The following CNTLN variants were observed in gnomAD, a reference collection of about 807,000 sequenced individuals.
CNTLN encodes centlein.
Under a neutral mutation model 180.0 loss-of-function variants are expected in CNTLN, and 212 were observed. The observed-to-expected ratio is 1.18, with a 90% CI of 1.05 to 1.32. The LOEUF (loss-of-function observed/expected upper bound fraction) is 1.32. CNTLN is among the 40% of genes most tolerant of loss of function. The pLI, the probability that CNTLN is intolerant of heterozygous loss-of-function variation, is 0.00. For missense variants in CNTLN, 2,095 were observed against 1,610.9 expected (o/e 1.30, Z -5.14); for synonymous variants, 722 against 563.1 (o/e 1.28, Z -3.99).
At chr9:17,221,746 C>T (rs1439232349) in intron 2 of CNTLN, among the ~76,000 whole-genome samples, 1 of 151,964 alleles carries the variant, frequency 6.6e-6, no homozygotes, top group Admixed American at 6.6e-5. Flanking sequence ...ATCTCAGTAT[C>T]CTAGAATGTT....
intron 6 of CNTLN, among the ~76,000 whole-genome samples, chr9:17,276,693 C>G (rs1366604859): frequency 6.6e-6 from 1 of 152,000 alleles, no homozygotes; most frequent in Admixed American, 6.6e-5. Context: ...CTAAAATCTA[C>G]AGATGCTCAA....
intron 5 of CNTLN, among the ~76,000 whole-genome samples, chr9:17,244,760 C>G (rs1383548559): frequency 4.6e-5 from 7 of 151,980 alleles, no homozygotes; most frequent in Non-Finnish European, 1.0e-4. Context: ...GTGATTTTCT[C>G]TGGTGGTATG....
chr9:17,294,775 G>C (rs1163768911), intron 6 of CNTLN, among the ~76,000 whole-genome samples: 1 of 50,200 alleles, frequency 2.0e-5, no homozygotes, highest in Non-Finnish European at 4.1e-5. Flanking sequence ...ACCGCGGGGG[G>C]AGTGAGGGGA....
intron 18 of CNTLN, among the ~76,000 whole-genome samples, chr9:17,423,358 C>G (rs1828861841): frequency 6.6e-6 from 1 of 152,138 alleles, no homozygotes; most frequent in African/African-American, 2.4e-5. Flanking sequence ...CGTACAGGAG[C>G]TAGGGCCTGG....
chr9:17,155,218 G>A (rs537486937), intron 2 of CNTLN, among the ~76,000 whole-genome samples: 1 of 152,312 alleles, frequency 6.6e-6, no homozygotes, highest in South Asian at 2.1e-4. Flanking sequence ...GCGAGGGTCC[G>A]CAGCTTCATT....
intron 5 of CNTLN, among the ~76,000 whole-genome samples, chr9:17,263,163 G>C (rs1236988326): frequency 6.7e-6 from 1 of 149,140 alleles, no homozygotes; most frequent in Non-Finnish European, 1.5e-5. Flanking sequence ...TTTAGCATTA[G>C]GTATATCTCC....
At chr9:17,487,943 C>T (rs2499055) in intron 25 of CNTLN, among the ~76,000 whole-genome samples, 145,838 of 152,180 alleles carry the variant, frequency 0.96, 70,207 homozygotes, top group East Asian at 1. Context: ...ATAGTTCTTT[C>T]GGCTTAACCT....
chr9:17,297,323 A>G (rs1030367231), intron 6 of CNTLN, among the ~76,000 whole-genome samples: 1 of 152,230 alleles, frequency 6.6e-6, no homozygotes, highest in African/African-American at 2.4e-5. Flanking sequence ...GTAAATTTTC[A>G]TATTCAAAGT....
intron 12 of CNTLN, among the ~76,000 whole-genome samples, chr9:17,360,084 T>C (rs942070427): frequency 1.3e-5 from 2 of 152,180 alleles, no homozygotes; most frequent in Non-Finnish European, 2.9e-5. Flanking sequence ...AATATAGATA[T>C]CCATCTAAGG....
intron 8 of CNTLN, among the ~76,000 whole-genome samples, chr9:17,319,261 C>T (rs1190306794): frequency 6.6e-6 from 1 of 152,176 alleles, no homozygotes; most frequent in Non-Finnish European, 1.5e-5. Context: ...TAATCTACAT[C>T]CAAGCATCCT....
At chr9:17,346,762 TG>T (rs1411665610) in intron 12 of CNTLN, among the ~76,000 whole-genome samples, 1 of 152,228 alleles carries the variant, frequency 6.6e-6, no homozygotes, top group Non-Finnish European at 1.5e-5. Flanking sequence ...TTGTGACTTT[TG>T]TCAAATTTGG....
intron 18 of CNTLN, among the ~76,000 whole-genome samples, chr9:17,423,210 A>T (rs889168127): frequency 3.3e-5 from 5 of 152,168 alleles, no homozygotes; most frequent in African/African-American, 1.2e-4. Context: ...GGCCTTTGGC[A>T]ACTAGTGCCT....
At chr9:17,468,859 G>C (rs549360335) in intron 23 of CNTLN, among the ~76,000 whole-genome samples, 2 of 151,758 alleles carry the variant, frequency 1.3e-5, no homozygotes, top group African/African-American at 4.8e-5. Context: ...GGTAATGTTA[G>C]TCCTTCATAT....
chr9:17,497,861 C>T (rs1373325242), intron 25 of CNTLN, among the ~76,000 whole-genome samples: 1 of 152,076 alleles, frequency 6.6e-6, no homozygotes, highest in Non-Finnish European at 1.5e-5. Context: ...ATGCTAACGA[C>T]GCAGATTTGT....
At position 17,263,716 on chromosome 9, in the gene CNTLN, C is replaced by G. The variant is rs557342366; in HGVS notation, c.850-10017C>G. Among the ~76,000 whole-genome samples, 150 of 144,248 alleles carry G rather than the reference C, an allele frequency of 1.0e-3. 1 individual carries two copies. Among genetic ancestry groups the G allele is most frequent in the Non-Finnish European group, 1.2e-3 (81 of 66,610 alleles). 94.6% of individuals were successfully genotyped at this position (144,248 alleles called of 152,430 possible). Reference sequence around the variant, plus strand: ...CTCTCCAGCCCCTGTTGTTTCCTGACTTTTTAATGATCACCATTCTAACTG... The same window carrying G: ...CTCTCCAGCCCCTGTTGTTTCCTGAGTTTTTAATGATCACCATTCTAACTG... On this transcript the variant is annotated intron_variant, in intron 5 of 25. Coordinates refer to ENST00000380647, the MANE Select transcript of CNTLN (RefSeq NM_017738.4).
At chr9:17,479,602 G>A (rs868516558) in intron 23 of CNTLN, among the ~76,000 whole-genome samples, 1 of 152,156 alleles carries the variant, frequency 6.6e-6, no homozygotes, top group East Asian at 1.9e-4. Flanking sequence ...AAGCTCTAGA[G>A]ATTTGTGTAC....
At chr9:17,465,748 A>T (rs2593399) in intron 21 of CNTLN, among the ~76,000 whole-genome samples, 151,183 of 151,184 alleles carry the variant, frequency 1, 75,591 homozygotes, top group Non-Finnish European at 1. Context: ...TGCAAGAATA[A>T]ACATACCAGT....
rs759814875 is a variant in CNTLN, at chr9:17,394,772, C to G, written c.2318C>G (p.Ser773Cys). 7 of 1,613,918 alleles carry G rather than the reference C, an allele frequency of 4.3e-6. No individual in the cohort carries two copies. The South Asian group carries it at 7.7e-5, about 18-fold the overall frequency. Reference sequence around the variant, plus strand: ...AGTGAGCTGGAGACAGAAGTCACTTCCCTGAGGAGACAAGTGGCAGAAGCT... The same window carrying G: ...AGTGAGCTGGAGACAGAAGTCACTTGCCTGAGGAGACAAGTGGCAGAAGCT... ...KISELETEVT[S>C]LRRQVAEANA... is the part of the protein sequence containing the mutation. The change falls in exon 15 of 26, where the codon TCC (serine) becomes TGC (cysteine). Residue 773 changes from serine (S) to cysteine (C), a missense_variant. Transcript: ENST00000380647.
At chr9:17,301,252 A>G (rs1818324804) in intron 7 of CNTLN, 3 of 985,426 alleles carry the variant, frequency 3.0e-6, no homozygotes, top group Non-Finnish European at 3.6e-6. Context: ...TATTTGGCGA[A>G]CTTGCCGTAA....
Sources: allele counts gnomAD v4.1 joint callset (sites outside exome capture counted in the v4.1 genomes callset), GRCh38; gene constraint gnomAD v4.1.1; transcripts MANE v1.5; gene names NCBI Gene and HGNC (gene_info 2026-07-23, HGNC 2026-07-21).